MAPK8: variants seen among roughly 807,000 people sequenced by gnomAD.
MAPK8 encodes JUN N-terminal kinase.
A neutral mutation model predicts 52.9 loss-of-function variants in MAPK8; 13 were observed. The observed-to-expected ratio is 0.25, with a 90% confidence interval of 0.16 to 0.39. The LOEUF (loss-of-function observed/expected upper bound fraction) is 0.39, where lower values mean the gene tolerates loss of function less well. MAPK8 is among the 10% of genes least tolerant of loss of function. The probability of loss-of-function intolerance (pLI) is 1.00; values close to 1 mark genes in which losing one functional copy is unlikely to be tolerated. For missense variants in MAPK8, 300 were observed against 519.2 expected, an observed-to-expected ratio of 0.58 and a Z score of 4.10; for synonymous variants, 191 against 169.8, an observed-to-expected ratio of 1.12 and a Z score of -0.97.
chr10:48,379,020 TGCA>T (rs2040835447), intron 1 of MAPK8, among the ~76,000 whole-genome samples: 1 of 152,226 alleles, frequency 6.6e-6, no homozygotes, highest in South Asian at 2.1e-4. Flanking sequence ...TTGCATAAAG[TGCA>T]GCAAGAGTAG....
intron 1 of MAPK8, among the ~76,000 whole-genome samples, chr10:48,363,963 T>A (rs1847801864): frequency 6.6e-6 from 1 of 152,146 alleles, no homozygotes; most frequent in East Asian, 1.9e-4. Flanking sequence ...TGCTTTTAAG[T>A]TATTTTAGAC....
At chr10:48,360,660 C>T (rs1293987800) in intron 1 of MAPK8, among the ~76,000 whole-genome samples, 3 of 152,156 alleles carry the variant, frequency 2.0e-5, no homozygotes, top group Non-Finnish European at 2.9e-5. Context: ...CACTCTCACA[C>T]GCATGTATCA....
chr10:48,394,492 A>G (rs1244423963), intron 1 of MAPK8, among the ~76,000 whole-genome samples: 6 of 151,950 alleles, frequency 3.9e-5, no homozygotes, highest in Non-Finnish European at 7.4e-5. Context: ...AAAGAAAACT[A>G]TATGATTATT....
chr10:48,412,774 C>A (rs1035201860), intron 5 of MAPK8, among the ~76,000 whole-genome samples: 2 of 152,066 alleles, frequency 1.3e-5, no homozygotes, highest in Admixed American at 6.5e-5. Context: ...ATGTTTTTTC[C>A]CCACCTTTTT....
intron 1 of MAPK8, among the ~76,000 whole-genome samples, chr10:48,314,453 T>G (rs985850162): frequency 1.3e-5 from 2 of 152,236 alleles, no homozygotes; most frequent in Non-Finnish European, 2.9e-5. Flanking sequence ...TCCTTTCTGA[T>G]GCATATTTAG....
chr10:48,417,272 T>A (rs1481716716), intron 5 of MAPK8, among the ~76,000 whole-genome samples: 5 of 152,202 alleles, frequency 3.3e-5, no homozygotes, highest in Non-Finnish European at 5.9e-5. Flanking sequence ...TGTAGTTCCT[T>A]TCATAGTATC....
intron 1 of MAPK8, among the ~76,000 whole-genome samples, chr10:48,326,419 T>C (rs942605334): frequency 6.6e-6 from 1 of 152,202 alleles, no homozygotes; most frequent in Non-Finnish European, 1.5e-5. Flanking sequence ...TTTCTGGCAC[T>C]GCAGGATACT....
At chr10:48,331,483 G>T (rs1263144622) in intron 1 of MAPK8, among the ~76,000 whole-genome samples, 1 of 152,148 alleles carries the variant, frequency 6.6e-6, no homozygotes, top group Non-Finnish European at 1.5e-5. Flanking sequence ...CTTTCCACTG[G>T]TCTTTTCCCC....
At chr10:48,396,241 AAACTCAACAGTAGGAAATAAGAC>A in intron 1 of MAPK8, among the ~76,000 whole-genome samples, 1 of 152,286 alleles carries the variant, frequency 6.6e-6, no homozygotes, top group South Asian at 2.1e-4. Context: ...AAAAGTCTCT[AAACTCAACAGTAGGAAATAAGAC>A]AATGCAATTA....
At chr10:48,324,411 C>G (rs1843279731) in intron 1 of MAPK8, among the ~76,000 whole-genome samples, 1 of 151,650 alleles carries the variant, frequency 6.6e-6, no homozygotes, top group East Asian at 1.9e-4. Context: ...CAACTTGTAA[C>G]TGCTTTTTTC....
In MAPK8 at chr10:48,375,877, A is replaced by G. The variant is rs1172007484; in HGVS notation, c.-49-25735A>G. On this transcript the variant is annotated intron_variant, in intron 1 of 11. Coordinates refer to ENST00000374189, the MANE Select transcript of MAPK8 (RefSeq NM_001323329.2). ...TACCATTGACTTTCTTCACAGAATT[A>G]GAAGAAACTACTTTAAATTTCATAT... 2.0e-5 allele frequency among the ~76,000 whole-genome samples: 3 copies of G among 152,310 alleles called. No individual in the cohort carries two copies. In the East Asian group the frequency reaches 5.8e-4, roughly 29 times the overall value.
intron 1 of MAPK8, among the ~76,000 whole-genome samples, chr10:48,393,716 T>C (rs552149232): frequency 6.6e-6 from 1 of 152,208 alleles, no homozygotes; most frequent in South Asian, 2.1e-4. Flanking sequence ...GCAATGATGC[T>C]TAAATGCTTA....
chr10:48,423,871 G>A (rs1488442983), intron 6 of MAPK8, among the ~76,000 whole-genome samples: 1 of 140,640 alleles, frequency 7.1e-6, no homozygotes, highest in Non-Finnish European at 1.6e-5. Flanking sequence ...TTTGAAATTA[G>A]ATATGTAGTT....
At chr10:48,341,802 G>A (rs1321465707) in intron 1 of MAPK8, among the ~76,000 whole-genome samples, 1 of 152,232 alleles carries the variant, frequency 6.6e-6, no homozygotes, top group Non-Finnish European at 1.5e-5. Context: ...TGGACAGACA[G>A]GGAAAGCTTC....
Position 48,436,337 on chromosome 10 carries a change from G to C in MAPK8, c.*1308G>C, listed in dbSNP as rs1441472587. 1 of 152,212 alleles carries C rather than the reference G, an allele frequency of 6.6e-6. No individual in the cohort carries two copies. The highest frequency in any genetic ancestry group is 1.5e-5 in the Non-Finnish European group (1 of 68,040). 9.4% of individuals were successfully genotyped at this position (152,212 alleles called of 1,614,324 possible). ...TAGTGTTAAGAATGGTGCTGCTCCT[G>C]ACAAGTGTATGTTAACTGTTTACAT... is the stretch of plus-strand genomic sequence containing the variant. On this transcript the variant is annotated 3_prime_UTR_variant, in exon 12 of 12. Transcript: ENST00000374189.
At chr10:48,421,557 C>G (rs1237674384) in intron 6 of MAPK8, among the ~76,000 whole-genome samples, 2 of 152,176 alleles carry the variant, frequency 1.3e-5, no homozygotes, top group African/African-American at 4.8e-5. Flanking sequence ...GTAATCCCAG[C>G]ACTTTGGGAG....
chr10:48,397,455 C>G (rs1163425251), intron 1 of MAPK8, among the ~76,000 whole-genome samples: 1 of 152,032 alleles, frequency 6.6e-6, no homozygotes, highest in Admixed American at 6.5e-5. Flanking sequence ...TACTACTAAC[C>G]TATAACTTTT....
chr10:48,338,713 C>G (rs1844941447), intron 1 of MAPK8, among the ~76,000 whole-genome samples: 1 of 152,072 alleles, frequency 6.6e-6, no homozygotes, highest in Admixed American at 6.5e-5. Flanking sequence ...ACCTGAGAAA[C>G]AACTCCAGTA....
rs146891746 is a variant in MAPK8 at position 48,345,724 on chromosome 10, C to T, written c.-50+38903C>T. Among the ~76,000 whole-genome samples the T allele has an allele frequency of 2.1e-3, 327 of 152,166 alleles. 1 individual carries two copies. The highest frequency in any genetic ancestry group is 7.6e-3 in the African/African-American group (316 of 41,518). Reference sequence around the variant, plus strand: ...GAACTGGGTGGATCTGCTCAGGACCCAGATAATATCACAGTAAAAGTCCTG... The same window carrying T: ...GAACTGGGTGGATCTGCTCAGGACCTAGATAATATCACAGTAAAAGTCCTG... On this transcript the variant is annotated intron_variant, in intron 1 of 11. Transcript: ENST00000374189.
Sources: gnomAD v4.1 joint callset for allele counts (sites outside exome capture counted in the v4.1 genomes callset) on GRCh38, gnomAD v4.1.1 for gene constraint, MANE v1.5 for transcripts, NCBI Gene and HGNC (gene_info 2026-07-23, HGNC 2026-07-21) for gene names.